The following CLNK variants were observed in gnomAD, a reference collection of about 807,000 sequenced individuals.
CLNK encodes the protein cytokine dependent hematopoietic cell linker.
Under a neutral mutation model 68.6 loss-of-function variants are expected in CLNK, and 74 were observed. The observed-to-expected ratio is 1.08, with a 90% CI of 0.89 to 1.31. The LOEUF (loss-of-function observed/expected upper bound fraction) is 1.31, where lower values mean the gene tolerates loss of function less well. Among genes scored for constraint, CLNK ranks in the 50% most tolerant of loss-of-function variants. The pLI is 0.00. For missense variants in CLNK, 553 were observed against 515.3 expected (o/e 1.07, Z -0.71); for synonymous variants, 198 against 172.2 (o/e 1.15, Z -1.17).
intron 8 of CLNK, among the ~76,000 whole-genome samples, chr4:10,552,425 C>T (rs1021757050): frequency 1.3e-5 from 2 of 152,160 alleles, no homozygotes; most frequent in African/African-American, 4.8e-5. Flanking sequence ...CATGCAACTT[C>T]CCCAGTTATT....
intron 11 of CLNK, among the ~76,000 whole-genome samples, chr4:10,537,619 CTCTT>C (rs754192559): frequency 3.5e-5 from 5 of 141,514 alleles, no homozygotes; most frequent in South Asian, 2.4e-4. Context: ...CTTTCTCTCT[CTCTT>C]TCTTTCTTTC....
chr4:10,684,089 G>A (rs566563557), intron 1 of CLNK, among the ~76,000 whole-genome samples: 21 of 152,126 alleles, frequency 1.4e-4, no homozygotes, highest in East Asian at 1.2e-3. Context: ...GATGACTCCC[G>A]GCACTTTTCA....
At chr4:10,522,640 A>G (rs1406177357) in intron 14 of CLNK, among the ~76,000 whole-genome samples, 1 of 152,130 alleles carries the variant, frequency 6.6e-6, no homozygotes, top group Admixed American at 6.5e-5. Context: ...AAACGTGTTG[A>G]ACACTTACTA....
At chr4:10,652,053 T>G (rs900126003) in intron 2 of CLNK, among the ~76,000 whole-genome samples, 1 of 151,842 alleles carries the variant, frequency 6.6e-6, no homozygotes, top group African/African-American at 2.4e-5. Context: ...GTCAGTAATT[T>G]TAGTAACTGT....
chr4:10,552,698 C>T (rs1246986376), intron 8 of CLNK, among the ~76,000 whole-genome samples: 1 of 152,132 alleles, frequency 6.6e-6, no homozygotes, highest in Non-Finnish European at 1.5e-5. Flanking sequence ...CCTTTGGAAA[C>T]CGCTGACCTA....
At chr4:10,562,040 G>A (rs1291730887) in intron 7 of CLNK, among the ~76,000 whole-genome samples, 1 of 151,868 alleles carries the variant, frequency 6.6e-6, no homozygotes, top group Non-Finnish European at 1.5e-5. Context: ...GCTTCAGGCT[G>A]GAAGCACAAA....
At chr4:10,667,760 G>T in intron 2 of CLNK, 99 bp downstream of exon 2, 1 of 1,163,866 alleles carries the variant, frequency 8.6e-7, no homozygotes, top group Non-Finnish European at 1.2e-6. Context: ...TCCATGGGCG[G>T]CCACATTGGC....
chr4:10,604,716 C>A lies in CLNK; in HGVS notation c.12-6667G>T, dbSNP rs1721723538. Among the ~76,000 whole-genome samples the A allele has an allele frequency of 2.0e-5, 3 of 152,066 alleles. No individual in the cohort carries two copies. The South Asian group carries it at 6.2e-4, about 32-fold the overall frequency. On this transcript the variant is annotated intron_variant, in intron 2 of 18. Transcript: ENST00000226951. ...TGCCCCCTGAAAATTTGAGCTGTAA[C>A]CCTTCACATAGGAACTTGAGAGGGA...
intron 2 of CLNK, among the ~76,000 whole-genome samples, chr4:10,608,634 C>T (rs568722676): frequency 3.3e-5 from 5 of 152,254 alleles, no homozygotes; most frequent in African/African-American, 9.6e-5. Flanking sequence ...TTAACAATGA[C>T]GAAAATTCTT....
chr4:10,650,316 G>T (rs1470488376), intron 2 of CLNK, among the ~76,000 whole-genome samples: 2 of 152,028 alleles, frequency 1.3e-5, no homozygotes, highest in Non-Finnish European at 2.9e-5. Flanking sequence ...AGATGGGAAA[G>T]AATGAGAGGA....
intron 2 of CLNK, among the ~76,000 whole-genome samples, chr4:10,666,759 C>T (rs1338015541): frequency 6.6e-6 from 1 of 152,326 alleles, no homozygotes; most frequent in East Asian, 1.9e-4. Flanking sequence ...GGACTACGTG[C>T]CAGGGAGCTC....
At chr4:10,697,468 T>G in the CLNK span, 1 of 152,156 alleles carries the variant, frequency 6.6e-6, no homozygotes, top group Non-Finnish European at 1.5e-5. Context: ...TCTCCCTTGG[T>G]GAGCAAAAGA....
At chr4:10,534,351 T>C (rs555621871) in intron 11 of CLNK, among the ~76,000 whole-genome samples, 16 of 152,184 alleles carry the variant, frequency 1.1e-4, no homozygotes, top group Non-Finnish European at 2.4e-4. Context: ...AAAAAAACCA[T>C]GGTCATTAAT....
chr4:10,637,002 C>T (rs981828815), intron 2 of CLNK, among the ~76,000 whole-genome samples: 1 of 152,192 alleles, frequency 6.6e-6, no homozygotes, highest in African/African-American at 2.4e-5. Context: ...CACTATGGCT[C>T]TGTGCACACA....
rs1255354078 is a variant in CLNK, at chr4:10,540,475, T to A, written c.602+19A>T. On this transcript the variant is annotated intron_variant, in intron 11 of 18. Transcript: ENST00000226951. Reference sequence around the variant, plus strand: ...CACACTCTTGCTGGTCATTTCACCATTGATGATGAATCTCTCACCTGGGCA... The same window carrying A: ...CACACTCTTGCTGGTCATTTCACCAATGATGATGAATCTCTCACCTGGGCA... The A allele has an allele frequency of 1.3e-6, 2 of 1,561,048 alleles. No individual in the cohort carries two copies. The highest frequency in any genetic ancestry group is 2.2e-5 in the South Asian group (2 of 89,982).
intron 11 of CLNK, among the ~76,000 whole-genome samples, chr4:10,535,263 G>GAAAGAAAGAA (rs1225148465): frequency 1.4e-5 from 2 of 144,704 alleles, no homozygotes; most frequent in East Asian, 2.0e-4. Context: ...AAGAAAGAAA[G>GAAAGAAAGAA]AAAAAATGGA....
chr4:10,612,989 T>G (rs2108855353), intron 2 of CLNK, among the ~76,000 whole-genome samples: 1 of 152,348 alleles, frequency 6.6e-6, no homozygotes, highest in South Asian at 2.1e-4. Context: ...TTTACCAAAA[T>G]GAATTCAACA....
intron 1 of CLNK, among the ~76,000 whole-genome samples, chr4:10,678,937 C>T (rs112752780): frequency 2.0e-5 from 3 of 152,120 alleles, no homozygotes; most frequent in Non-Finnish European, 2.9e-5. Flanking sequence ...GGCCATACTG[C>T]CCAAGGTAAT....
intron 2 of CLNK, among the ~76,000 whole-genome samples, chr4:10,637,438 GTT>G (rs11396379): frequency 4.0e-5 from 5 of 124,158 alleles, no homozygotes; most frequent in African/African-American, 3.1e-5. Context: ...AATAAAAAAA[GTT>G]TTTTTTTTTT....
Sources: allele counts gnomAD v4.1 joint callset (sites outside exome capture counted in the v4.1 genomes callset), GRCh38; gene constraint gnomAD v4.1.1; transcripts MANE v1.5; gene names NCBI Gene and HGNC (gene_info 2026-07-23, HGNC 2026-07-21).